The following ITGBL1 variants were observed in gnomAD, a reference collection of about 807,000 sequenced individuals.
ITGBL1 encodes integrin beta-like protein 1.
In ITGBL1, 51 loss-of-function variants were observed where a neutral mutation model predicts 68.5. The observed-to-expected ratio is 0.74, with a 90% CI of 0.59 to 0.94. The LOEUF is 0.94. Ranked by LOEUF, ITGBL1 falls within the 40% of genes least tolerant of loss-of-function variation. The pLI, the probability that ITGBL1 is intolerant of heterozygous loss-of-function variation, is 0.00. For missense variants in ITGBL1, 649 were observed against 647.4 expected, an observed-to-expected ratio of 1.00 and a Z score of -0.03; for synonymous variants, 209 against 227.3, an observed-to-expected ratio of 0.92 and a Z score of 0.72.
intron 7 of ITGBL1, among the ~76,000 whole-genome samples, chr13:101,660,652 A>C (rs905375567): frequency 1.3e-5 from 2 of 152,266 alleles, no homozygotes; most frequent in Middle Eastern, 6.8e-3. Context: ...GGCTATTATC[A>C]TTTAAACTAT....
chr13:101,469,806 A>G (rs1566688257), intron 2 of ITGBL1, among the ~76,000 whole-genome samples: 2 of 152,208 alleles, frequency 1.3e-5, no homozygotes, highest in Non-Finnish European at 1.5e-5. Flanking sequence ...GAATTTAACA[A>G]TCTTTTCCTT....
In ITGBL1 at chr13:101,584,354, A is replaced by T. The variant is rs2050515012; in HGVS notation, c.868+998A>T. 2.6e-5 allele frequency among the ~76,000 whole-genome samples: 4 copies of T among 152,224 alleles called. No homozygotes were observed. The South Asian group carries it at 8.3e-4, about 32-fold the overall frequency. On this transcript the variant is annotated intron_variant, in intron 6 of 10. Coordinates refer to ENST00000376180, the MANE Select transcript of ITGBL1 (RefSeq NM_004791.3). ...TCTATCTGAAAAGGTATCATTTAGC[A>T]AAAATGGAGTTATAGATTTTCAGTC...
At chr13:101,490,303 A>G (rs902001072) in intron 2 of ITGBL1, among the ~76,000 whole-genome samples, 1 of 152,162 alleles carries the variant, frequency 6.6e-6, no homozygotes, top group Non-Finnish European at 1.5e-5. Flanking sequence ...ATCTTCCCGC[A>G]CTTTGTTCTT....
intron 3 of ITGBL1, 81 bp from the exon 4 acceptor site, chr13:101,575,343 T>C (rs2050339144): frequency 3.8e-6 from 5 of 1,327,270 alleles, no homozygotes; most frequent in Non-Finnish European, 4.3e-6. Flanking sequence ...ATCTACTCTC[T>C]TGAGAGAGAT....
Position 101,468,469 on chromosome 13 carries a change from A to G in ITGBL1, c.316+14369A>G, listed in dbSNP as rs181810891. ...CTTTTAAGAGATAGTCAAAACAATT[A>G]TCCTCCAACTATTGTGCTAAGTAAG... On this transcript the variant is annotated intron_variant, in intron 2 of 10. Transcript: ENST00000376180. 1.5e-3 allele frequency among the ~76,000 whole-genome samples: 232 copies of G among 152,318 alleles called. 1 individual carries two copies. Among genetic ancestry groups the G allele is most frequent in the African/African-American group, 4.9e-3 (202 of 41,564 alleles).
chr13:101,616,734 A>G (rs1261250102), intron 7 of ITGBL1, among the ~76,000 whole-genome samples: 1 of 152,042 alleles, frequency 6.6e-6, no homozygotes, highest in African/African-American at 2.4e-5. Context: ...CAAGCGATCT[A>G]CCCACCTCGA....
chr13:101,520,177 A>G (rs1041090327), intron 2 of ITGBL1, among the ~76,000 whole-genome samples: 7 of 152,310 alleles, frequency 4.6e-5, no homozygotes, highest in African/African-American at 1.4e-4. Flanking sequence ...CATAGTTCCC[A>G]TAAAAAAATA....
chr13:101,537,669 G>A (rs1271682374), intron 2 of ITGBL1, among the ~76,000 whole-genome samples: 2 of 151,948 alleles, frequency 1.3e-5, no homozygotes, highest in African/African-American at 2.4e-5. Context: ...GTAAAGCAGA[G>A]GGTTCCCTCT....
At chr13:101,540,304 T>C (rs987750434) in intron 2 of ITGBL1, among the ~76,000 whole-genome samples, 1 of 152,206 alleles carries the variant, frequency 6.6e-6, no homozygotes, top group Non-Finnish European at 1.5e-5. Context: ...ATTTATTAAA[T>C]AGGGAATCTT....
chr13:101,709,460 AAG>A (rs1401553842), intron 9 of ITGBL1, among the ~76,000 whole-genome samples: 4 of 151,664 alleles, frequency 2.6e-5, no homozygotes, highest in Non-Finnish European at 5.9e-5. Flanking sequence ...GAGAGAATAA[AAG>A]AGATGTTATC....
chr13:101,489,088 A>G (rs904566909), intron 2 of ITGBL1, among the ~76,000 whole-genome samples: 2 of 152,192 alleles, frequency 1.3e-5, no homozygotes, highest in Non-Finnish European at 2.9e-5. Context: ...TCTCTAAAGT[A>G]TATTTTTAAG....
intron 7 of ITGBL1, among the ~76,000 whole-genome samples, chr13:101,657,528 C>T (rs2032963990): frequency 6.6e-6 from 1 of 152,066 alleles, no homozygotes; most frequent in Non-Finnish European, 1.5e-5. Flanking sequence ...CTTTGATTTT[C>T]ATTTGTTTTA....
chr13:101,457,174 T>A (rs1248054750), intron 2 of ITGBL1, among the ~76,000 whole-genome samples: 1 of 152,210 alleles, frequency 6.6e-6, no homozygotes, highest in Non-Finnish European at 1.5e-5. Context: ...ATTACAATGA[T>A]GCATAACAAG....
chr13:101,642,536 G>T (rs951430861), intron 7 of ITGBL1, among the ~76,000 whole-genome samples: 6 of 152,116 alleles, frequency 3.9e-5, no homozygotes, highest in African/African-American at 1.4e-4. Context: ...TGATGTTAGT[G>T]TCTTTTGCTG....
Position 101,598,248 on chromosome 13 carries a change from G to A in ITGBL1, c.964G>A (p.Glu322Lys). 3 of 1,613,670 alleles carry A rather than the reference G, an allele frequency of 1.9e-6. No individual in the cohort carries two copies. Among genetic ancestry groups the A allele is most frequent in the Non-Finnish European group, 2.5e-6 (3 of 1,179,854 alleles). Residue 322 changes from glutamate (E) to lysine (K), a missense_variant, in exon 7 of 11, where the codon GAG becomes AAG. Physicochemically the swap from Glu to Lys is moderately conservative, Grantham distance 56. Coordinates refer to ENST00000376180, the MANE Select transcript of ITGBL1 (RefSeq NM_004791.3). Reference protein sequence around the residue: ...HPQSCTLSAEESIRKCQGSSD... With the variant: ...HPQSCTLSAEKSIRKCQGSSD... ...ACAGTCCTGCACGCTGTCAGCTGAG[G>A]AGAGCATCAGGAAGTGCCAGGGAAG...
At chr13:101,490,241 G>T (rs2139058315) in intron 2 of ITGBL1, among the ~76,000 whole-genome samples, 2 of 152,308 alleles carry the variant, frequency 1.3e-5, no homozygotes, top group South Asian at 4.1e-4. Flanking sequence ...TGAGGGTACA[G>T]CAAGAAGGCT....
chr13:101,485,381 A>G (rs1011891252), intron 2 of ITGBL1, among the ~76,000 whole-genome samples: 1 of 152,228 alleles, frequency 6.6e-6, no homozygotes. Context: ...GGTAAAGGAT[A>G]TGAATAGACA....
chr13:101,668,548 TG>T (rs2033279942), intron 7 of ITGBL1, among the ~76,000 whole-genome samples: 2 of 152,210 alleles, frequency 1.3e-5, no homozygotes, highest in Non-Finnish European at 2.9e-5. Context: ...GGTTCCTACT[TG>T]GGTGATGAAC....
chr13:101,485,490 A>T (rs1412611827), intron 2 of ITGBL1, among the ~76,000 whole-genome samples: 1 of 152,192 alleles, frequency 6.6e-6, no homozygotes, highest in Non-Finnish European at 1.5e-5. Context: ...TCAGTGAGAT[A>T]CTACCTTACT....
Sources: allele counts gnomAD v4.1 joint callset (sites outside exome capture counted in the v4.1 genomes callset), GRCh38; gene constraint gnomAD v4.1.1; transcripts MANE v1.5; gene names NCBI Gene and HGNC (gene_info 2026-07-23, HGNC 2026-07-21).